The following HYCC1 variants were observed in gnomAD, a reference collection of about 807,000 sequenced individuals.
HYCC1 encodes hyccin PI4KA lipid kinase complex subunit 1.
At chr7:22,994,955 T>G in the HYCC1 span, among the ~76,000 whole-genome samples, 1 of 152,178 alleles carries the variant, frequency 6.6e-6, no homozygotes, top group Non-Finnish European at 1.5e-5. Context: ...AAGGACGATA[T>G]ACTTCCATGG....
chr7:22,899,784 C>A, the HYCC1 span, among the ~76,000 whole-genome samples: 1 of 152,026 alleles, frequency 6.6e-6, no homozygotes, highest in Non-Finnish European at 1.5e-5. Flanking sequence ...TTGTTTATGA[C>A]AACTACCTTC....
At chr7:22,947,421 A>G in the HYCC1 span, among the ~76,000 whole-genome samples, 1 of 152,122 alleles carries the variant, frequency 6.6e-6, no homozygotes, top group Non-Finnish European at 1.5e-5. Flanking sequence ...ACCAGAGACA[A>G]TAGGGTCATA....
the HYCC1 span, chr7:22,978,230 T>G: frequency 6.3e-7 from 1 of 1,591,626 alleles, no homozygotes. Flanking sequence ...ATATTTGATT[T>G]TGTCAAAAAA....
the HYCC1 span, among the ~76,000 whole-genome samples, chr7:22,982,312 C>T: frequency 7.2e-5 from 11 of 152,200 alleles, no homozygotes; most frequent in Admixed American, 1.3e-4. Flanking sequence ...TTCTTCAATT[C>T]AGTTATTCCA....
the HYCC1 span, among the ~76,000 whole-genome samples, chr7:22,958,226 T>C: frequency 6.6e-6 from 1 of 151,934 alleles, no homozygotes; most frequent in Non-Finnish European, 1.5e-5. Flanking sequence ...TTTACTGCTC[T>C]AGAAGGGAAA....
chr7:22,928,391 A>C, the HYCC1 span, among the ~76,000 whole-genome samples: 3 of 152,218 alleles, frequency 2.0e-5, no homozygotes, highest in South Asian at 4.1e-4. Context: ...AGAGGAAGTC[A>C]AATTTTCCCT....
chr7:22,959,191 C>T, the HYCC1 span, among the ~76,000 whole-genome samples: 1 of 152,260 alleles, frequency 6.6e-6, no homozygotes, highest in East Asian at 1.9e-4. Context: ...AATTGCTACA[C>T]TTTAAAAACA....
chr7:22,987,895 A>T, the HYCC1 span, among the ~76,000 whole-genome samples: 1 of 152,140 alleles, frequency 6.6e-6, no homozygotes, highest in Non-Finnish European at 1.5e-5. Context: ...TAAATAAAAC[A>T]ATCAAGCAGA....
chr7:22,960,513 A>T, the HYCC1 span: 1 of 956,132 alleles, frequency 1.0e-6, no homozygotes, highest in Non-Finnish European at 1.7e-6. Flanking sequence ...AGGCTTATAC[A>T]AAGAGGCTCT....
the HYCC1 span, among the ~76,000 whole-genome samples, chr7:22,929,250 C>G: frequency 2.6e-5 from 4 of 152,252 alleles, no homozygotes; most frequent in Non-Finnish European, 2.9e-5. Context: ...CGAAGAAAAC[C>G]TAGGCAATAC....
At chr7:23,009,685 G>C in the HYCC1 span, among the ~76,000 whole-genome samples, 2 of 152,090 alleles carry the variant, frequency 1.3e-5, no homozygotes, top group Non-Finnish European at 2.9e-5. Flanking sequence ...GGTGAGGATA[G>C]GTATTACTTT....
At chr7:22,971,229 A>C in the HYCC1 span, among the ~76,000 whole-genome samples, 1 of 150,284 alleles carries the variant, frequency 6.7e-6, no homozygotes, top group African/African-American at 2.4e-5. Context: ...CCAGAACCAA[A>C]AGTAGAAAAG....
chr7:22,973,527 G>A, the HYCC1 span, among the ~76,000 whole-genome samples: 2 of 152,244 alleles, frequency 1.3e-5, no homozygotes, highest in South Asian at 4.1e-4. Flanking sequence ...TTGTAGTTAA[G>A]AGTTAGCATT....
the HYCC1 span, among the ~76,000 whole-genome samples, chr7:23,006,268 C>T: frequency 2.0e-5 from 3 of 152,008 alleles, no homozygotes; most frequent in Admixed American, 6.6e-5. Flanking sequence ...CCAATTTAAG[C>T]ACTTTTTTTT....
chr7:22,934,795 C>G, the HYCC1 span: 1 of 152,166 alleles, frequency 6.6e-6, no homozygotes. Context: ...GAAATGTTGT[C>G]TGCCAGGGAT....
chr7:22,920,456 T>A, the HYCC1 span, among the ~76,000 whole-genome samples: 1 of 152,020 alleles, frequency 6.6e-6, no homozygotes, highest in African/African-American at 2.4e-5. Flanking sequence ...CCTTAGGCAA[T>A]AGAATAACAT....
chr7:22,914,411 T>C, the HYCC1 span, among the ~76,000 whole-genome samples: 1 of 152,184 alleles, frequency 6.6e-6, no homozygotes, highest in African/African-American at 2.4e-5. Context: ...TCTTCTCCCT[T>C]AGCCTGTGTT....
At chr7:23,012,636 A>G in the HYCC1 span, among the ~76,000 whole-genome samples, 1 of 152,162 alleles carries the variant, frequency 6.6e-6, no homozygotes, top group Admixed American at 6.5e-5. Context: ...CTGCACTTCA[A>G]AAATATGGTG....
At chr7:22,916,108 AGCAT>A in the HYCC1 span, among the ~76,000 whole-genome samples, 9 of 152,138 alleles carry the variant, frequency 5.9e-5, no homozygotes, top group African/African-American at 2.2e-4. Context: ...CCCATCCCAC[AGCAT>A]GCTTTAAAAG....
Sources: gnomAD v4.1 joint callset for allele counts (sites outside exome capture counted in the v4.1 genomes callset) on GRCh38, gnomAD v4.1.1 for gene constraint, MANE v1.5 for transcripts, NCBI Gene and HGNC (gene_info 2026-07-23, HGNC 2026-07-21) for gene names.